PID1: variants seen among roughly 807,000 people sequenced by gnomAD.
PID1 encodes the protein PTB-containing, cubilin and LRP1-interacting protein.
PID1 carries 10 observed loss-of-function variants against 19.1 expected under a neutral mutation model. The observed-to-expected ratio is 0.52, with a 90% confidence interval of 0.32 to 0.89. PID1 has a LOEUF of 0.89. Among genes scored for constraint, PID1 ranks in the 40% least tolerant of loss-of-function variants. The pLI is 0.03. For synonymous variants in PID1, 130 were observed against 116.0 expected, an observed-to-expected ratio of 1.12 and a Z score of -0.78; for missense variants, 248 against 285.3, an observed-to-expected ratio of 0.87 and a Z score of 0.94.
intron 2 of PID1, among the ~76,000 whole-genome samples, chr2:229,126,434 A>C (rs1338151838): frequency 1.3e-5 from 2 of 152,144 alleles, no homozygotes; most frequent in East Asian, 1.9e-4. Context: ...AAAAAAAAAA[A>C]CCCTGTGTAT....
chr2:229,172,932 C>T (rs1690740337), intron 1 of PID1, among the ~76,000 whole-genome samples: 1 of 152,064 alleles, frequency 6.6e-6, no homozygotes, highest in South Asian at 2.1e-4. Flanking sequence ...GGGATTTCAC[C>T]ATGTTGGCCA....
At chr2:229,121,752 G>A (rs554339761) in intron 2 of PID1, among the ~76,000 whole-genome samples, 1 of 152,254 alleles carries the variant, frequency 6.6e-6, no homozygotes, top group South Asian at 2.1e-4. Context: ...TATTTATTGA[G>A]TAGTACCTAC....
Position 229,042,334 on chromosome 2 carries a change from G to A in PID1, c.178-16226C>T, listed in dbSNP as rs1189736362. ...TTATTTCATAATAAAAAGCTAAAAG[G>A]AATATCAATGAAGACGTGTCCTTGG... On this transcript the variant is annotated intron_variant, in intron 2 of 2. Coordinates refer to ENST00000392055, the MANE Select transcript of PID1 (RefSeq NM_001100818.2). 2.0e-5 allele frequency among the ~76,000 whole-genome samples: 3 copies of A among 152,136 alleles called. No individual in the cohort carries two copies. The East Asian group carries it at 5.8e-4, about 29-fold the overall frequency.
chr2:229,121,296 T>C (rs1695513992), intron 2 of PID1, among the ~76,000 whole-genome samples: 1 of 152,042 alleles, frequency 6.6e-6, no homozygotes, highest in Non-Finnish European at 1.5e-5. Context: ...GAAGCAACAC[T>C]CCCTAGTTTA....
chr2:229,203,607 C>T (rs1453297391), intron 1 of PID1, among the ~76,000 whole-genome samples: 1 of 152,050 alleles, frequency 6.6e-6, no homozygotes, highest in East Asian at 1.9e-4. Flanking sequence ...ATATGCTATA[C>T]TACTGTAATC....
intron 2 of PID1, among the ~76,000 whole-genome samples, chr2:229,066,930 A>G (rs1694339058): frequency 6.6e-6 from 1 of 152,108 alleles, no homozygotes; most frequent in Non-Finnish European, 1.5e-5. Context: ...CCAAATTTTT[A>G]AATATATGCC....
chr2:229,187,905 C>G (rs1691169939), intron 1 of PID1, among the ~76,000 whole-genome samples: 1 of 152,190 alleles, frequency 6.6e-6, no homozygotes, highest in Non-Finnish European at 1.5e-5. Context: ...CCATGCTAAT[C>G]TGGCTTTAGC....
chr2:229,174,163 A>G (rs1690766730), intron 1 of PID1, among the ~76,000 whole-genome samples: 1 of 152,224 alleles, frequency 6.6e-6, no homozygotes, highest in Non-Finnish European at 1.5e-5. Context: ...GTATTTAAAC[A>G]TAGCCAGAAA....
intron 1 of PID1, among the ~76,000 whole-genome samples, chr2:229,201,698 C>T (rs1339053943): frequency 6.6e-6 from 1 of 152,066 alleles, no homozygotes; most frequent in Non-Finnish European, 1.5e-5. Flanking sequence ...TGAGGAACTG[C>T]CACGCTGCTT....
chr2:229,050,967 A>G (rs1222022137), intron 2 of PID1, among the ~76,000 whole-genome samples: 1 of 152,248 alleles, frequency 6.6e-6, no homozygotes, highest in African/African-American at 2.4e-5. Context: ...CCAGCAATGC[A>G]TACAATGAAA....
intron 2 of PID1, among the ~76,000 whole-genome samples, chr2:229,113,191 C>A (rs1695333362): frequency 6.6e-6 from 1 of 152,062 alleles, no homozygotes; most frequent in African/African-American, 2.4e-5. Flanking sequence ...ATGAATGGAG[C>A]AAGTTACCGC....
chr2:229,085,892 TGAAAAATCAG>T (rs1694754692), intron 2 of PID1, among the ~76,000 whole-genome samples: 1 of 152,134 alleles, frequency 6.6e-6, no homozygotes, highest in Non-Finnish European at 1.5e-5. Flanking sequence ...TTAAAGCTTC[TGAAAAATCAG>T]TTGAGGGGAA....
At chr2:229,169,646 T>G (rs1177382604) in intron 1 of PID1, among the ~76,000 whole-genome samples, 1 of 152,184 alleles carries the variant, frequency 6.6e-6, no homozygotes, top group Non-Finnish European at 1.5e-5. Context: ...TGCTGTCTCT[T>G]TCCAACTCAG....
chr2:229,195,088 C>T (rs1691347153), intron 1 of PID1, among the ~76,000 whole-genome samples: 1 of 151,820 alleles, frequency 6.6e-6, no homozygotes, highest in Admixed American at 6.6e-5. Context: ...TAAATTAATA[C>T]AAATTTATCT....
In PID1 at chr2:229,025,206, C is replaced by G. The variant is rs1559197851; in HGVS notation, c.*426G>C. 2 of 170,730 alleles carry G rather than the reference C, an allele frequency of 1.2e-5. No homozygotes were observed. Among genetic ancestry groups the G allele is most frequent in the Non-Finnish European group, 2.6e-5 (2 of 78,258 alleles). 10.6% of individuals were successfully genotyped at this position (170,730 alleles called of 1,614,324 possible). A position where few individuals can be genotyped will look rare whatever the true frequency, so the allele number is the denominator to read the frequency against. Reference sequence around the variant, plus strand: ...TCCTCCCTGCGGCCAGCGTCCCCATCAGCACCCTGCCCACCCCACTAGAGA... The same window carrying G: ...TCCTCCCTGCGGCCAGCGTCCCCATGAGCACCCTGCCCACCCCACTAGAGA... On this transcript the variant is annotated 3_prime_UTR_variant, in exon 3 of 3. Coordinates refer to ENST00000392055, the MANE Select transcript of PID1 (RefSeq NM_001100818.2).
chr2:229,083,947 T>G (rs756013095), intron 2 of PID1, among the ~76,000 whole-genome samples: 1 of 152,212 alleles, frequency 6.6e-6, no homozygotes, highest in Non-Finnish European at 1.5e-5. Flanking sequence ...GATTTTTACA[T>G]TCTTTGCGTT....
intron 1 of PID1, among the ~76,000 whole-genome samples, chr2:229,243,055 A>C (rs1689915856): frequency 2.0e-5 from 3 of 152,144 alleles, no homozygotes; most frequent in Admixed American, 1.3e-4. Flanking sequence ...TGTACAAAAG[A>C]AAGAGGTTTA....
intron 1 of PID1, among the ~76,000 whole-genome samples, chr2:229,177,128 A>C (rs1690839752): frequency 6.6e-6 from 1 of 152,168 alleles, no homozygotes; most frequent in South Asian, 2.1e-4. Flanking sequence ...CTTATTAACT[A>C]CCACAAGAAT....
At chr2:229,231,053 G>A (rs931765347) in intron 1 of PID1, among the ~76,000 whole-genome samples, 6 of 151,998 alleles carry the variant, frequency 3.9e-5, no homozygotes, top group Admixed American at 1.3e-4. Context: ...ACAGCCACAT[G>A]AGCTGCTAAG....
Sources: allele counts gnomAD v4.1 joint callset (sites outside exome capture counted in the v4.1 genomes callset), GRCh38; gene constraint gnomAD v4.1.1; transcripts MANE v1.5; gene names NCBI Gene and HGNC (gene_info 2026-07-23, HGNC 2026-07-21).